Variants in PODXL2 observed in about 807,000 individuals in gnomAD.
PODXL2 encodes podocalyxin like 2.
In PODXL2, 17 loss-of-function variants were observed where a neutral mutation model predicts 53.4. The ratio of observed to expected loss-of-function variants is 0.32; its 90% CI spans 0.22 to 0.48. The LOEUF is 0.48. Among genes scored for constraint, PODXL2 ranks in the 20% least tolerant of loss-of-function variants. The pLI is 0.99. For synonymous variants in PODXL2, 311 were observed against 306.7 expected, an observed-to-expected ratio of 1.01 and a Z score of -0.15; for missense variants, 673 against 760.0, an observed-to-expected ratio of 0.89 and a Z score of 1.35.
At position 127,629,715 on chromosome 3, in the gene PODXL2, C is replaced by G. The variant is rs1435066382; in HGVS notation, c.70+426C>G. Among the ~76,000 whole-genome samples, 3 of 152,076 alleles carry G rather than the reference C, an allele frequency of 2.0e-5. No homozygotes were observed. The highest frequency in any genetic ancestry group is 7.2e-5 in the African/African-American group (3 of 41,416). Reference sequence around the variant, plus strand: ...TGACAGCCACGCGGGGAGGAGGCCGCATTGTGAAGGTCCCAGGGGCCGCCT... The same window carrying G: ...TGACAGCCACGCGGGGAGGAGGCCGGATTGTGAAGGTCCCAGGGGCCGCCT... On this transcript the variant is annotated intron_variant, in intron 1 of 7. Coordinates refer to ENST00000342480, the MANE Select transcript of PODXL2 (RefSeq NM_015720.4). The surrounding 1 kb of genome is among the most constrained non-coding windows in gnomAD (Gnocchi z 6.4).
At chr3:127,658,406 C>CTTTTTTTTT (rs60979669) in intron 2 of PODXL2, among the ~76,000 whole-genome samples, 2 of 87,384 alleles carry the variant, frequency 2.3e-5, no homozygotes, top group African/African-American at 8.3e-5. Flanking sequence ...TTTCCCATGT[C>CTTTTTTTTT]TTTTTTTTTT....
rs149932289 is a variant in PODXL2, at chr3:127,667,984, C to T, written c.1207-457C>T. On this transcript the variant is annotated intron_variant, in intron 4 of 7. Coordinates refer to ENST00000342480, the MANE Select transcript of PODXL2 (RefSeq NM_015720.4). Reference sequence around the variant, plus strand: ...TCTTTTGGCCATCACCACTCCCACCCGCCCATGTGTTCATCCCCAGCACCA... The same window carrying T: ...TCTTTTGGCCATCACCACTCCCACCTGCCCATGTGTTCATCCCCAGCACCA... Among the ~76,000 whole-genome samples, 189 of 152,336 alleles carry T rather than the reference C, an allele frequency of 1.2e-3. 2 individuals are homozygous for T. The East Asian group carries it at 0.032, about 26-fold the overall frequency.
intron 1 of PODXL2, among the ~76,000 whole-genome samples, chr3:127,635,365 T>C (rs2074571291): frequency 6.6e-6 from 1 of 152,246 alleles, no homozygotes; most frequent in Non-Finnish European, 1.5e-5. Flanking sequence ...GCAGGGACCC[T>C]ATCTTTCTTA....
intron 2 of PODXL2, among the ~76,000 whole-genome samples, chr3:127,652,468 G>A (rs557046488): frequency 2.0e-5 from 3 of 152,284 alleles, no homozygotes; most frequent in Admixed American, 6.5e-5. Flanking sequence ...CCTGTGCAAC[G>A]AGGGGGTCTG....
chr3:127,663,412 C>T (rs1300912855), intron 4 of PODXL2, among the ~76,000 whole-genome samples: 1 of 152,176 alleles, frequency 6.6e-6, no homozygotes, highest in Non-Finnish European at 1.5e-5. Context: ...CTCTTGTCTC[C>T]TCTTCTGTTT....
intron 2 of PODXL2, among the ~76,000 whole-genome samples, chr3:127,649,113 C>G (rs1360594812): frequency 6.7e-6 from 1 of 150,224 alleles, no homozygotes; most frequent in African/African-American, 2.4e-5. Flanking sequence ...TTTTTTTTTT[C>G]CTTTATAGGA....
intron 2 of PODXL2, among the ~76,000 whole-genome samples, chr3:127,644,703 G>A (rs900968950): frequency 3.9e-5 from 6 of 152,116 alleles, no homozygotes; most frequent in Admixed American, 6.5e-5. Context: ...ATTGAATACC[G>A]GCTATGCATA....
Position 127,672,746 on chromosome 3 carries a change from G to T in PODXL2, c.*266G>T. 1 of 407,284 alleles carries T rather than the reference G, an allele frequency of 2.5e-6. No individual in the cohort carries two copies. Among genetic ancestry groups the T allele is most frequent in the Non-Finnish European group, 4.3e-6 (1 of 234,336 alleles). The allele number at this position is 407,284 out of a possible 1,614,324, so 25.2% of individuals were successfully genotyped here. ...CCCGGCCCCGCGGGCGGCGGGCGGCGCTTCCTGCGCCCCGGGACTCAATTA... is the reference window on the plus strand; with the variant it reads ...CCCGGCCCCGCGGGCGGCGGGCGGCTCTTCCTGCGCCCCGGGACTCAATTA... On this transcript the variant is annotated 3_prime_UTR_variant, in exon 8 of 8. Coordinates refer to ENST00000342480, the MANE Select transcript of PODXL2 (RefSeq NM_015720.4).
chr3:127,639,667 A>C, intron 2 of PODXL2, 144 bp downstream of exon 2: 1 of 798,760 alleles, frequency 1.3e-6, no homozygotes, highest in Admixed American at 2.8e-5. Flanking sequence ...TGCACATCAG[A>C]GCAAAGGCTC....
intron 2 of PODXL2, among the ~76,000 whole-genome samples, chr3:127,642,483 G>C (rs1454012562): frequency 1.3e-5 from 2 of 151,976 alleles, no homozygotes; most frequent in Non-Finnish European, 2.9e-5. Flanking sequence ...ACAGCTGAGT[G>C]CTTACCATCT....
intron 1 of PODXL2, among the ~76,000 whole-genome samples, chr3:127,636,313 TA>T (rs1346405494): frequency 6.6e-6 from 1 of 152,194 alleles, no homozygotes; most frequent in Admixed American, 6.5e-5. Flanking sequence ...CTTTCTTCTA[TA>T]ATATTCGGGC....
chr3:127,639,352 G>A lies in PODXL2; in HGVS notation c.178G>A (p.Asp60Asn), dbSNP rs768655754. 15 of 1,614,056 alleles carry A rather than the reference G, an allele frequency of 9.3e-6. No homozygotes were observed. Among genetic ancestry groups the A allele is most frequent in the Non-Finnish European group, 1.1e-5 (13 of 1,180,020 alleles). Residue 60 changes from aspartate to asparagine, a missense_variant, in exon 2 of 8, where the codon GAC becomes AAC. Physicochemically the swap from Asp to Asn is conservative, Grantham distance 23. Transcript: ENST00000342480. ...LLLPTGLEPL[D>N]SEEPSETMGL... ...GCTGCCCACTGGCTTGGAGCCACTG[G>A]ACTCAGAGGAGCCTAGTGAGACCAT...
At position 127,672,545 on chromosome 3, in the gene PODXL2, G is replaced by A. The variant is rs1390360477; in HGVS notation, c.*65G>A. On this transcript the variant is annotated 3_prime_UTR_variant, in exon 8 of 8. Coordinates refer to ENST00000342480, the MANE Select transcript of PODXL2 (RefSeq NM_015720.4). ...AGCGAGGTGGACCCCGAAACGGACG[G>A]CCCGGAGCCCGCACCAGCCCCGCGC... 5.5e-5 allele frequency: 60 copies of A among 1,083,934 alleles called. No individual in the cohort carries two copies. The highest frequency in any genetic ancestry group is 1.0e-4 in the Admixed American group (3 of 29,416). The allele number at this position is 1,083,934 out of a possible 1,614,324, so 67.1% of individuals were successfully genotyped here.
intron 2 of PODXL2, among the ~76,000 whole-genome samples, chr3:127,645,539 G>A (rs976444219): frequency 1.6e-4 from 24 of 152,324 alleles, no homozygotes; most frequent in Non-Finnish European, 2.6e-4. Flanking sequence ...CATGGGAGTT[G>A]GAGCTGAAGT....
chr3:127,636,420 A>T (rs2074578998), intron 1 of PODXL2, among the ~76,000 whole-genome samples: 1 of 152,256 alleles, frequency 6.6e-6, no homozygotes, highest in Admixed American at 6.5e-5. Context: ...TAGAGAGAGT[A>T]CAAGTCCTTA....
intron 4 of PODXL2, among the ~76,000 whole-genome samples, chr3:127,663,191 CTT>C (rs1185438315): frequency 6.6e-6 from 1 of 152,214 alleles, no homozygotes; most frequent in African/African-American, 2.4e-5. Flanking sequence ...CTTAAGCAAA[CTT>C]TCGACCAGCT....
intron 5 of PODXL2, 67 bp from the exon 6 acceptor site, chr3:127,669,074 C>T (rs571516769): frequency 2.8e-6 from 3 of 1,086,168 alleles, no homozygotes; most frequent in African/African-American, 1.6e-5. Flanking sequence ...AGAGCGGGGC[C>T]AGAGCCCTTG....
intron 2 of PODXL2, among the ~76,000 whole-genome samples, chr3:127,650,714 T>C (rs894211809): frequency 6.6e-6 from 1 of 152,170 alleles, no homozygotes; most frequent in African/African-American, 2.4e-5. Flanking sequence ...TGGAGTGCAG[T>C]GGTGCGATCT....
chr3:127,665,691 G>A (rs1249233716), intron 4 of PODXL2, among the ~76,000 whole-genome samples: 2 of 152,184 alleles, frequency 1.3e-5, no homozygotes, highest in East Asian at 3.8e-4. Flanking sequence ...ATCCTTTAGT[G>A]AAAATCCTGA....
Sources: gnomAD v4.1 joint callset for allele counts (sites outside exome capture counted in the v4.1 genomes callset) on GRCh38, gnomAD v4.1.1 for gene constraint, Gnocchi (gnomAD v3.1) non-coding constraint, MANE v1.5 for transcripts, NCBI Gene and HGNC (gene_info 2026-07-23, HGNC 2026-07-21) for gene names.